The following SETD3 variants were observed in gnomAD, a reference collection of about 807,000 sequenced individuals.
SETD3 encodes the protein SET domain containing 3, actin N3(tau)-histidine methyltransferase.
Under a neutral mutation model 63.0 loss-of-function variants are expected in SETD3, and 19 were observed. That is an observed-to-expected ratio of 0.30 (90% CI 0.21 to 0.44). The LOEUF is 0.44. SETD3 is among the 20% of genes least tolerant of loss of function. The probability of loss-of-function intolerance (pLI) is 1.00; values close to 1 mark genes in which losing one functional copy is unlikely to be tolerated. For synonymous variants in SETD3, 286 were observed against 264.1 expected (o/e 1.08, Z -0.80); for missense variants, 587 against 728.5 (o/e 0.81, Z 2.24).
chr14:99,444,732 C>T (rs180794086), intron 6 of SETD3, among the ~76,000 whole-genome samples: 69 of 151,722 alleles, frequency 4.5e-4, no homozygotes, highest in African/African-American at 1.5e-3. Flanking sequence ...TGGTGGTGCA[C>T]GCTGACGTGG....
chr14:99,462,414 A>G (rs558645278), intron 3 of SETD3, among the ~76,000 whole-genome samples: 14 of 152,370 alleles, frequency 9.2e-5, no homozygotes, highest in Non-Finnish European at 1.6e-4. Flanking sequence ...TTACCACAGC[A>G]TAATTAACAG....
intron 6 of SETD3, among the ~76,000 whole-genome samples, chr14:99,428,358 GGA>G (rs1176500883): frequency 6.6e-6 from 1 of 152,174 alleles, no homozygotes; most frequent in African/African-American, 2.4e-5. Context: ...AACAAGTGGT[GGA>G]GGGGTTGGGT....
chr14:99,453,407 T>C (rs1442633297), intron 6 of SETD3, among the ~76,000 whole-genome samples: 1 of 152,230 alleles, frequency 6.6e-6, no homozygotes, highest in Non-Finnish European at 1.5e-5. Flanking sequence ...TTTTGCTTTG[T>C]CATGAACCCT....
chr14:99,447,103 C>G (rs1246977581), intron 6 of SETD3, among the ~76,000 whole-genome samples: 1 of 152,038 alleles, frequency 6.6e-6, no homozygotes, highest in African/African-American at 2.4e-5. Flanking sequence ...TCCCAAGTAT[C>G]TGGGACTACA....
intron 7 of SETD3, 35 bp downstream of exon 7, chr14:99,413,841 C>T (rs371864701): frequency 6.5e-5 from 105 of 1,607,970 alleles, no homozygotes; most frequent in Non-Finnish European, 8.5e-5. Context: ...AGAAACCACC[C>T]TCAATACACA....
At chr14:99,445,516 G>A (rs1006418130) in intron 6 of SETD3, among the ~76,000 whole-genome samples, 2 of 152,158 alleles carry the variant, frequency 1.3e-5, no homozygotes, top group Non-Finnish European at 2.9e-5. Context: ...TCCTTTTTGT[G>A]CTTTTATCAC....
At chr14:99,480,999 T>C (rs572001275), upstream of SETD3, 1 of 156,026 alleles carries the variant, frequency 6.4e-6, no homozygotes, top group South Asian at 2.1e-4. Context: ...GGCGTTCCGT[T>C]CGGGGTCCTC....
At chr14:99,403,574 G>T (rs182562524) in intron 11 of SETD3, among the ~76,000 whole-genome samples, 6 of 151,882 alleles carry the variant, frequency 4.0e-5, no homozygotes, top group Non-Finnish European at 8.8e-5. Context: ...AACCACGAGA[G>T]GTCAAATCTC....
chr14:99,459,235 TCAATC>T (rs1194808868), intron 4 of SETD3, 50 bp from the exon 5 acceptor site: 6 of 1,310,116 alleles, frequency 4.6e-6, no homozygotes, highest in East Asian at 2.3e-5. Flanking sequence ...GGTACAGTCT[TCAATC>T]CAACCATATC....
chr14:99,400,049 C>T, intron 12 of SETD3, 50 bp downstream of exon 12: 12 of 1,519,500 alleles, frequency 7.9e-6, no homozygotes, highest in Non-Finnish European at 1.1e-5. Context: ...CCTCATTAAA[C>T]ATCTTAACAA....
At chr14:99,447,576 G>A (rs756019128) in intron 6 of SETD3, among the ~76,000 whole-genome samples, 4 of 152,178 alleles carry the variant, frequency 2.6e-5, no homozygotes, top group Non-Finnish European at 4.4e-5. Flanking sequence ...CAGCTATCAC[G>A]AACAGGCAAG....
chr14:99,398,907 G>T lies in SETD3; in HGVS notation c.1557C>A (p.Leu519=), dbSNP rs772708819. 6.2e-7 allele frequency: 1 copy of T among 1,613,940 alleles called. No homozygotes were observed. Among genetic ancestry groups the T allele is most frequent in the Non-Finnish European group, 8.5e-7 (1 of 1,179,950 alleles). ...LLESSVGDSR[L]PLVLRNLEEE... ...CCTCGAGGTTTCTCAAGACCAGGGGGAGCCTCGAGTCCCCCACGCTGCTCT... is the reference window on the plus strand; with the variant it reads ...CCTCGAGGTTTCTCAAGACCAGGGGTAGCCTCGAGTCCCCCACGCTGCTCT... Residue 519 remains leucine (L), a synonymous_variant, in exon 13 of 13, where the codon CTC becomes CTA. Coordinates refer to ENST00000331768, the MANE Select transcript of SETD3 (RefSeq NM_032233.3).
intron 1 of SETD3, among the ~76,000 whole-genome samples, chr14:99,479,591 A>G (rs988840444): frequency 6.6e-6 from 1 of 152,194 alleles, no homozygotes; most frequent in African/African-American, 2.4e-5. Flanking sequence ...TTTCAAGAAG[A>G]AAAACGGGAG....
At chr14:99,418,747 T>C (rs771479230) in intron 6 of SETD3, among the ~76,000 whole-genome samples, 1 of 151,734 alleles carries the variant, frequency 6.6e-6, no homozygotes, top group Non-Finnish European at 1.5e-5. Flanking sequence ...AGAGAGAGAA[T>C]GGGAGCAGAG....
chr14:99,464,145 A>C (rs1895234732), intron 2 of SETD3, among the ~76,000 whole-genome samples: 1 of 152,226 alleles, frequency 6.6e-6, no homozygotes, highest in Non-Finnish European at 1.5e-5. Context: ...TGGCATAGTC[A>C]CTGCTAAAAA....
chr14:99,437,065 C>A (rs1243318835), intron 6 of SETD3, among the ~76,000 whole-genome samples: 3 of 152,198 alleles, frequency 2.0e-5, no homozygotes, highest in Admixed American at 2.0e-4. Flanking sequence ...GGGATTATCA[C>A]CAACTAGGTA....
intron 6 of SETD3, among the ~76,000 whole-genome samples, chr14:99,432,828 C>A (rs918245150): frequency 6.6e-6 from 1 of 152,116 alleles, no homozygotes; most frequent in Admixed American, 6.5e-5. Context: ...GTTTACAGCA[C>A]CCCAGGCCCA....
At chr14:99,426,707 C>T (rs116501892) in intron 6 of SETD3, among the ~76,000 whole-genome samples, 3,882 of 152,246 alleles carry the variant, frequency 0.025, 150 homozygotes, top group African/African-American at 0.088. Context: ...CACTGACCAA[C>T]GTGTAGATTC....
At chr14:99,412,361 G>A (rs1262757052) in intron 8 of SETD3, 1 of 153,166 alleles carries the variant, frequency 6.5e-6, no homozygotes, top group African/African-American at 2.4e-5. Context: ...GACTCCTGCA[G>A]TCAAGGGCGA....
Sources: allele counts gnomAD v4.1 joint callset (sites outside exome capture counted in the v4.1 genomes callset), GRCh38; gene constraint gnomAD v4.1.1; transcripts MANE v1.5; gene names NCBI Gene and HGNC (gene_info 2026-07-23, HGNC 2026-07-21).